IRS1: variants seen among roughly 807,000 people sequenced by gnomAD.
IRS1 encodes the protein insulin receptor substrate 1.
IRS1 carries 34 observed loss-of-function variants against 65.6 expected under a neutral mutation model. The observed-to-expected ratio is 0.52, with a 90% CI of 0.39 to 0.69. The LOEUF is 0.69. IRS1 is among the 30% of genes least tolerant of loss of function. The pLI, the probability that IRS1 is intolerant of heterozygous loss-of-function variation, is 0.00. For missense variants in IRS1, 1,641 were observed against 1,720.2 expected (o/e 0.95, Z 0.81); for synonymous variants, 699 against 683.5 (o/e 1.02, Z -0.35).
Position 226,798,403 on chromosome 2 carries a change from C to T in IRS1, c.336G>A (p.Gln112=). 6.2e-7 allele frequency: 1 copy of T among 1,614,038 alleles called. No homozygotes were observed. Among genetic ancestry groups the T allele is most frequent in the Non-Finnish European group, 8.5e-7 (1 of 1,180,000 alleles). ...EQDSWYQALL[Q]LHNRAKGHHD... ...GGTGGCCCTTAGCACGGTTGTGCAG[C>T]TGTAGGAGAGCCTGGTACCAGCTGT... is the stretch of plus-strand genomic sequence containing the variant. The change falls in exon 1 of 2, where the codon CAG becomes CAA. Residue 112 remains glutamine, a synonymous_variant. Coordinates refer to ENST00000305123, the MANE Select transcript of IRS1 (RefSeq NM_005544.3). The surrounding 1 kb of genome is among the most constrained non-coding windows in gnomAD (Gnocchi z 9.4).
chr2:226,769,790 G>A (rs1939129258), intron 1 of IRS1, among the ~76,000 whole-genome samples: 2 of 152,124 alleles, frequency 1.3e-5, no homozygotes, highest in South Asian at 4.1e-4. Context: ...CCAATGGAAT[G>A]GAGTCTTCCA....
In IRS1 at chr2:226,779,696, T is replaced by C. The variant is rs150867770; in HGVS notation, c.*21+15293A>G. On this transcript the variant is annotated intron_variant, in intron 1 of 1. Transcript: ENST00000305123. ...TCTGCTGTAAGTACTATAAAAGTTC[T>C]TGGATCCTAAGTTTTAGCTCAATAC... Among the ~76,000 whole-genome samples, 494 of 152,364 alleles carry C rather than the reference T, an allele frequency of 3.2e-3. 1 individual carries two copies. Among genetic ancestry groups the C allele is most frequent in the African/African-American group, 0.011 (464 of 41,578 alleles).
At position 226,794,597 on chromosome 2, in the gene IRS1, G is replaced by A. The variant is rs142353345; in HGVS notation, c.*21+392C>T. On this transcript the variant is annotated intron_variant, in intron 1 of 1. Coordinates refer to ENST00000305123, the MANE Select transcript of IRS1 (RefSeq NM_005544.3). This position sits in a 1 kb window ranked among gnomAD's most constrained non-coding sequence, Gnocchi z 4.1. ...AGATAAGGAAGGGTTTAGCCCCTGT[G>A]TTAACAAATATTTTTTGTAGAACTG... Among the ~76,000 whole-genome samples, 120 of 152,336 alleles carry A rather than the reference G, an allele frequency of 7.9e-4. No homozygotes were observed. The highest frequency in any genetic ancestry group is 2.7e-3 in the African/African-American group (114 of 41,572).
At chr2:226,755,126 C>T (rs760040729) in intron 1 of IRS1, among the ~76,000 whole-genome samples, 1 of 152,202 alleles carries the variant, frequency 6.6e-6, no homozygotes, top group Non-Finnish European at 1.5e-5. Context: ...AGCTTTCCTT[C>T]GGTCCTTCCA....
intron 1 of IRS1, among the ~76,000 whole-genome samples, chr2:226,780,638 T>C (rs1939362719): frequency 6.6e-6 from 1 of 152,140 alleles, no homozygotes; most frequent in African/African-American, 2.4e-5. Context: ...AAAGTTCCTG[T>C]CAATCTTCAA....
chr2:226,735,951 G>A lies in IRS1; in HGVS notation c.*321C>T, dbSNP rs1414933440. 5 of 152,694 alleles carry A rather than the reference G, an allele frequency of 3.3e-5. No individual in the cohort carries two copies. The highest frequency in any genetic ancestry group is 9.6e-5 in the African/African-American group (4 of 41,550). The allele number at this position is 152,694 out of a possible 1,614,324, so 9.5% of individuals were successfully genotyped here. On this transcript the variant is annotated 3_prime_UTR_variant, in exon 2 of 2. Coordinates refer to ENST00000305123, the MANE Select transcript of IRS1 (RefSeq NM_005544.3). ...GAGTAAACCCATTCTCTCATGACACGGTGGTGGGCACATCAGCTCACTGTG... is the reference window on the plus strand; with the variant it reads ...GAGTAAACCCATTCTCTCATGACACAGTGGTGGGCACATCAGCTCACTGTG...
intron 1 of IRS1, among the ~76,000 whole-genome samples, chr2:226,789,108 A>G (rs1939542903): frequency 6.6e-6 from 1 of 152,252 alleles, no homozygotes; most frequent in Non-Finnish European, 1.5e-5. Context: ...TTAAAACAAA[A>G]CAAAACCTTA....
chr2:226,738,134 A>T (rs1217131489), intron 1 of IRS1, among the ~76,000 whole-genome samples: 1 of 152,246 alleles, frequency 6.6e-6, no homozygotes. Flanking sequence ...TGCTACATTG[A>T]CATAAGGTCA....
chr2:226,781,554 T>C (rs1939382235), intron 1 of IRS1, among the ~76,000 whole-genome samples: 1 of 152,170 alleles, frequency 6.6e-6, no homozygotes, highest in South Asian at 2.1e-4. Context: ...ACGCTTTCCA[T>C]GAGCCCATCT....
chr2:226,736,522 GA>G (rs1237439610), intron 1 of IRS1, among the ~76,000 whole-genome samples: 1 of 152,128 alleles, frequency 6.6e-6, no homozygotes, highest in Non-Finnish European at 1.5e-5. Context: ...TTTAGCAAAG[GA>G]AAAATAGAAA....
chr2:226,747,390 C>A (rs781536186), intron 1 of IRS1, among the ~76,000 whole-genome samples: 3 of 151,868 alleles, frequency 2.0e-5, no homozygotes, highest in Non-Finnish European at 4.4e-5. Flanking sequence ...GGGATAAGTG[C>A]CCTTATGATG....
At chr2:226,738,926 G>A (rs1938384539) in intron 1 of IRS1, among the ~76,000 whole-genome samples, 3 of 152,174 alleles carry the variant, frequency 2.0e-5, no homozygotes, top group Admixed American at 2.0e-4. Flanking sequence ...CAGAAGGGGT[G>A]GGTAAACAGC....
At chr2:226,762,661 G>A (rs1329418005) in intron 1 of IRS1, among the ~76,000 whole-genome samples, 2 of 152,200 alleles carry the variant, frequency 1.3e-5, no homozygotes, top group Admixed American at 1.3e-4. Flanking sequence ...TTTGGCCCTA[G>A]TTTGCTGGCT....
chr2:226,738,407 T>C (rs1938371239), intron 1 of IRS1, among the ~76,000 whole-genome samples: 1 of 152,242 alleles, frequency 6.6e-6, no homozygotes. Context: ...GTTTACCAAA[T>C]GATGACTCTA....
chr2:226,760,718 T>A (rs547307627), intron 1 of IRS1, among the ~76,000 whole-genome samples: 1 of 152,304 alleles, frequency 6.6e-6, no homozygotes, highest in East Asian at 1.9e-4. Context: ...GGCTAAATGT[T>A]TAATCCCTCA....
rs1939701352 is a variant in IRS1, at chr2:226,795,573, G to C, written c.3166C>G (p.His1056Asp). 2 of 1,612,792 alleles carry C rather than the reference G, an allele frequency of 1.2e-6. No individual in the cohort carries two copies. The highest frequency in any genetic ancestry group is 1.7e-5 in the Admixed American group (1 of 60,004). ...TGTGGGCCCCCCAGCAGGGACGAGT[G>C]GGCAGCCAGCTCTGCTGCCCCTTGA... The part of the protein sequence containing the change: ...GPQGAAELAA[H>D]SSLLGGPQGP... Residue 1056 changes from histidine to aspartate, a missense_variant, in exon 1 of 2, where the codon CAC (histidine) becomes GAC (aspartate). Around this residue, in one of 3 missense-constraint regions of IRS1, gnomAD observed 1,324 missense variants for 1,361.0 expected, o/e 0.97. Coordinates refer to ENST00000305123, the MANE Select transcript of IRS1 (RefSeq NM_005544.3).
rs1012760421 is a variant in IRS1 at position 226,798,874 on chromosome 2, C to T, written c.-136G>A. The T allele has an allele frequency of 9.2e-6, 14 of 1,521,552 alleles. No individual in the cohort carries two copies. In the South Asian group the frequency reaches 1.6e-4, roughly 18 times the overall value. The allele number at this position is 1,521,552 out of a possible 1,614,324, so 94.3% of individuals were successfully genotyped here. On this transcript the variant is annotated 5_prime_UTR_variant, in exon 1 of 2. It adds an upstream start codon to the 5' untranslated region. Transcript: ENST00000305123. The surrounding 1 kb of genome is among the most constrained non-coding windows in gnomAD (Gnocchi z 9.4). ...GCAGAAACCCCGACTCTGAAATCCACGCCGCCCCCCGCGCCGGGGAGGGGC... is the reference window on the plus strand; with the variant it reads ...GCAGAAACCCCGACTCTGAAATCCATGCCGCCCCCCGCGCCGGGGAGGGGC...
rs1939840747 is a variant in IRS1, at chr2:226,799,344, G to C, written c.-606C>G. On this transcript the variant is annotated 5_prime_UTR_variant, in exon 1 of 2. Coordinates refer to ENST00000305123, the MANE Select transcript of IRS1 (RefSeq NM_005544.3). This position sits in a 1 kb window ranked among gnomAD's most constrained non-coding sequence, Gnocchi z 6.1. ...AAATACCAGCTCAGTCGCAGAGACC[G>C]CGGCGCTGCGGCTGTTGCTGTTGCT... The C allele has an allele frequency of 3.2e-6, 4 of 1,250,652 alleles. No individual in the cohort carries two copies. The highest frequency in any genetic ancestry group is 1.0e-6 in the Non-Finnish European group (1 of 964,700). The allele number at this position is 1,250,652 out of a possible 1,614,324, so 77.5% of individuals were successfully genotyped here.
At chr2:226,762,625 C>A (rs1938938567) in intron 1 of IRS1, among the ~76,000 whole-genome samples, 1 of 152,186 alleles carries the variant, frequency 6.6e-6, no homozygotes, top group African/African-American at 2.4e-5. Context: ...TTCCAATAAG[C>A]TTTCCAGAAA....
Sources: allele counts gnomAD v4.1 joint callset (sites outside exome capture counted in the v4.1 genomes callset), GRCh38; gene constraint gnomAD v4.1.1; regional missense constraint gnomAD v4.1.1; non-coding constraint Gnocchi (gnomAD v3.1); transcripts MANE v1.5; gene names NCBI Gene and HGNC (gene_info 2026-07-23, HGNC 2026-07-21).